Variants in OLAH observed in about 807,000 individuals in gnomAD.
The protein encoded by OLAH is oleoyl-ACP hydrolase.
In OLAH, 33 loss-of-function variants were observed where a neutral mutation model predicts 27.8. That is an observed-to-expected ratio of 1.19 (90% confidence interval 0.90 to 1.59). The LOEUF (loss-of-function observed/expected upper bound fraction) is 1.59. Among genes scored for constraint, OLAH ranks in the 40% most tolerant of loss-of-function variants. The pLI, the probability that OLAH is intolerant of heterozygous loss-of-function variation, is 0.00. For missense variants in OLAH, 359 were observed against 310.8 expected, an observed-to-expected ratio of 1.16 and a Z score of -1.17; for synonymous variants, 120 against 102.9, an observed-to-expected ratio of 1.17 and a Z score of -1.01.
chr10:15,069,936 T>C (rs1181718598), intron 6 of OLAH, among the ~76,000 whole-genome samples: 1 of 152,142 alleles, frequency 6.6e-6, no homozygotes, highest in Non-Finnish European at 1.5e-5. Context: ...TCTCACTGTG[T>C]CTCCAACACT....
chr10:15,048,228 C>T (rs4750591), intron 2 of OLAH, among the ~76,000 whole-genome samples: 121,963 of 152,058 alleles, frequency 0.8, 49,787 homozygotes, highest in East Asian at 0.98. Context: ...TGTTTGTTTG[C>T]TTGTTTTGAG....
At chr10:15,043,412 ACT>A (rs1183267340), upstream of OLAH, among the ~76,000 whole-genome samples, 10 of 151,340 alleles carry the variant, frequency 6.6e-5, no homozygotes, top group Non-Finnish European at 1.5e-4. Flanking sequence ...ACTTGATTTT[ACT>A]GTCTAGTCAG....
rs1452760362 is a variant in OLAH, at chr10:15,061,848, AT to A, written c.294del (p.Phe98LeufsTer15). 1.9e-6 allele frequency: 3 copies of A among 1,613,128 alleles called. No individual in the cohort carries two copies. The highest frequency in any genetic ancestry group is 4.5e-5 in the East Asian group (2 of 44,850). On this transcript the variant is annotated frameshift_variant, in exon 4 of 8. Transcript: ENST00000378228. LOFTEE classifies it high-confidence loss of function. ...CAGTCATCCAGGATAAACCATTTGC[AT>A]TTTTTGGCCACAGGTATTTGATATC... ...QPVIQDKPFA[F>X]FGHSMGSYIA...
At chr10:15,032,620 C>T (rs994208195) in intron 1 of OLAH, among the ~76,000 whole-genome samples, 1 of 95,654 alleles carries the variant, frequency 1.0e-5, no homozygotes, top group Non-Finnish European at 2.0e-5. Context: ...GACTCAGTTT[C>T]AAAAAAAAAA....
At chr10:15,037,017 T>G (rs1363887293) in intron 1 of OLAH, among the ~76,000 whole-genome samples, 1 of 151,990 alleles carries the variant, frequency 6.6e-6, no homozygotes, top group African/African-American at 2.4e-5. Context: ...AGGCAGAGGT[T>G]GCAGTGAGCC....
At chr10:15,048,301 C>A (rs1844061263) in intron 2 of OLAH, among the ~76,000 whole-genome samples, 2 of 152,018 alleles carry the variant, frequency 1.3e-5, no homozygotes, top group Admixed American at 1.3e-4. Context: ...CACTGCAACC[C>A]CCCCCTCCTG....
intron 4 of OLAH, among the ~76,000 whole-genome samples, chr10:15,063,637 T>C (rs1297736610): frequency 2.6e-5 from 4 of 152,214 alleles, no homozygotes; most frequent in African/African-American, 9.6e-5. Context: ...TTAAGATGCA[T>C]TGAGGAACTC....
At chr10:15,065,794 T>C (rs1844456729) in intron 6 of OLAH, 41 bp downstream of exon 6, 1 of 1,544,128 alleles carries the variant, frequency 6.5e-7, no homozygotes. Context: ...TTTGGTACAA[T>C]TATTTGTAGA....
intron 3 of OLAH, among the ~76,000 whole-genome samples, chr10:15,061,030 C>T (rs758416712): frequency 6.6e-6 from 1 of 151,986 alleles, no homozygotes; most frequent in Non-Finnish European, 1.5e-5. Context: ...TGCTACTAGC[C>T]CAGGGTCATT....
At chr10:15,050,781 T>C (rs2131348547) in intron 3 of OLAH, among the ~76,000 whole-genome samples, 1 of 151,900 alleles carries the variant, frequency 6.6e-6, no homozygotes, top group South Asian at 2.1e-4. Flanking sequence ...GACCTTGTGA[T>C]CCGCCCGCCT....
intron 4 of OLAH, 39 bp downstream of exon 4, chr10:15,061,901 C>A: frequency 1.9e-6 from 3 of 1,589,132 alleles, no homozygotes; most frequent in Admixed American, 3.6e-5. Flanking sequence ...AGGGGAGTTT[C>A]TTCTATCTGA....
At chr10:15,064,024 T>C (rs1360414821) in intron 4 of OLAH, among the ~76,000 whole-genome samples, 1 of 152,194 alleles carries the variant, frequency 6.6e-6, no homozygotes, top group Non-Finnish European at 1.5e-5. Context: ...ATCCTGAAAA[T>C]AGCTTTGACC....
intron 3 of OLAH, among the ~76,000 whole-genome samples, chr10:15,050,191 G>T (rs185649885): frequency 2.0e-5 from 3 of 152,366 alleles, no homozygotes; most frequent in Middle Eastern, 3.4e-3. Context: ...GCTGAGGCAG[G>T]AGGATTGCTT....
chr10:15,062,026 G>C, intron 4 of OLAH, 164 bp downstream of exon 4: 2 of 616,582 alleles, frequency 3.2e-6, no homozygotes, highest in Non-Finnish European at 5.3e-6. Flanking sequence ...CAGTTTGTAT[G>C]GTAAGTATAC....
chr10:15,047,195 C>A lies in OLAH; in HGVS notation c.-94C>A. ...TACTCACTCTTCTGTGTGCATAAGG[C>A]CGAGCAGAGGTTCTTCGTCTCAAGA... On this transcript the variant is annotated 5_prime_UTR_variant, in exon 2 of 8. Transcript: ENST00000378228. The A allele has an allele frequency of 1.6e-6, 2 of 1,289,638 alleles. No individual in the cohort carries two copies. Among genetic ancestry groups the A allele is most frequent in the Non-Finnish European group, 2.2e-6 (2 of 915,082 alleles). The allele number at this position is 1,289,638 out of a possible 1,614,324, so 79.9% of individuals were successfully genotyped here. A position where few individuals can be genotyped will look rare whatever the true frequency, so the allele number is the denominator to read the frequency against.
At chr10:15,058,332 A>G (rs1379840269) in intron 3 of OLAH, among the ~76,000 whole-genome samples, 1 of 152,090 alleles carries the variant, frequency 6.6e-6, no homozygotes, top group Non-Finnish European at 1.5e-5. Flanking sequence ...AGCCAAAGCA[A>G]TCCTCCCACC....
At chr10:15,038,509 G>A (rs1843875446) in intron 1 of OLAH, 1 of 152,140 alleles carries the variant, frequency 6.6e-6, no homozygotes, top group Non-Finnish European at 1.5e-5. Context: ...AGGGGGATGG[G>A]TCTTTCCTGT....
At chr10:15,071,754 T>C in intron 6 of OLAH, 41 bp from the exon 7 acceptor site, 3 of 1,542,944 alleles carry the variant, frequency 1.9e-6, no homozygotes, top group Non-Finnish European at 2.7e-6. Flanking sequence ...TCTGGGATGT[T>C]GATTTCAAAC....
intron 7 of OLAH, 27 bp from the exon 8 acceptor site, chr10:15,073,060 A>T (rs756996875): frequency 6.2e-7 from 1 of 1,605,600 alleles, no homozygotes; most frequent in Non-Finnish European, 8.5e-7. Flanking sequence ...TGGTGTTGTT[A>T]TTGAATACAA....
Sources: gnomAD v4.1 joint callset for allele counts (sites outside exome capture counted in the v4.1 genomes callset) on GRCh38, gnomAD v4.1.1 for gene constraint, MANE v1.5 for transcripts, NCBI Gene and HGNC (gene_info 2026-07-23, HGNC 2026-07-21) for gene names.